C11orf65: variants seen among roughly 807,000 people sequenced by gnomAD.
The protein encoded by C11orf65 is protein MFI.
C11orf65 carries 38 observed loss-of-function variants against 35.3 expected under a neutral mutation model. That is an observed-to-expected ratio of 1.08 (90% CI 0.83 to 1.41). The LOEUF (loss-of-function observed/expected upper bound fraction) is 1.41, where lower values mean the gene tolerates loss of function less well. Among genes scored for constraint, C11orf65 ranks in the 40% most tolerant of loss-of-function variants. C11orf65 has a pLI of 0.00. For synonymous variants in C11orf65, 105 were observed against 114.4 expected (o/e 0.92, Z 0.53); for missense variants, 370 against 367.1 (o/e 1.01, Z -0.06).
intron 6 of C11orf65, among the ~76,000 whole-genome samples, chr11:108,399,823 T>C (rs569915334): frequency 6.6e-6 from 1 of 152,334 alleles, no homozygotes; most frequent in East Asian, 1.9e-4. Flanking sequence ...TGGTATCTTA[T>C]TGTCAAGCAA....
chr11:108,446,748 C>T (rs1049792489), intron 2 of C11orf65, among the ~76,000 whole-genome samples: 2 of 152,148 alleles, frequency 1.3e-5, no homozygotes, highest in Non-Finnish European at 2.9e-5. Flanking sequence ...AACCAGCTAA[C>T]ATCATAATGA....
chr11:108,446,492 A>G (rs1378246768), intron 2 of C11orf65, among the ~76,000 whole-genome samples: 1 of 151,762 alleles, frequency 6.6e-6, no homozygotes, highest in Non-Finnish European at 1.5e-5. Flanking sequence ...ATTCTTAAAG[A>G]AAAGAATTTT....
intron 2 of C11orf65, among the ~76,000 whole-genome samples, chr11:108,451,470 G>A (rs933173911): frequency 6.6e-6 from 1 of 151,984 alleles, no homozygotes; most frequent in Admixed American, 6.5e-5. Context: ...ACCTCTTCAA[G>A]GAGAACTACA....
At chr11:108,418,835 C>G (rs1031906776) in intron 3 of C11orf65, among the ~76,000 whole-genome samples, 3 of 151,900 alleles carry the variant, frequency 2.0e-5, no homozygotes, top group Admixed American at 1.3e-4. Flanking sequence ...GATTCTAAGG[C>G]ATTAGAAAGA....
intron 2 of C11orf65, among the ~76,000 whole-genome samples, chr11:108,436,030 G>C (rs1365153565): frequency 6.6e-6 from 1 of 151,934 alleles, no homozygotes; most frequent in African/African-American, 2.4e-5. Context: ...CAGCAAGAGT[G>C]GTGTGATGAG....
At chr11:108,436,076 T>C (rs1405343013) in intron 2 of C11orf65, among the ~76,000 whole-genome samples, 2 of 130,600 alleles carry the variant, frequency 1.5e-5, no homozygotes, top group Non-Finnish European at 1.7e-5. Context: ...GTTTTGAAAA[T>C]AGACAGGGGT....
At chr11:108,405,611 G>T in intron 5 of C11orf65, 52 bp from the exon 6 acceptor site, 1 of 1,573,040 alleles carries the variant, frequency 6.4e-7, no homozygotes, top group South Asian at 1.1e-5. Flanking sequence ...CGATTGTGAG[G>T]TTATCTGGCA....
chr11:108,330,447 T>C (rs2086141297), downstream of C11orf65: 3 of 1,610,374 alleles, frequency 1.9e-6, no homozygotes, highest in East Asian at 2.2e-5. Flanking sequence ...CCCAATATTC[T>C]ACCCTGTGCT....
At chr11:108,421,588 G>A (rs1300814603) in intron 3 of C11orf65, among the ~76,000 whole-genome samples, 1 of 152,090 alleles carries the variant, frequency 6.6e-6, no homozygotes, top group Non-Finnish European at 1.5e-5. Flanking sequence ...AATCTGGGAG[G>A]CGAAGGTTGC....
chr11:108,317,849 C>T (rs921275659), intron 6 of C11orf65, among the ~76,000 whole-genome samples: 1 of 151,446 alleles, frequency 6.6e-6, no homozygotes, highest in Non-Finnish European at 1.5e-5. Context: ...ACAACTTCAC[C>T]CCACCCCTAA....
At chr11:108,323,351 T>C (rs2085368125) in intron 6 of C11orf65, among the ~76,000 whole-genome samples, 1 of 152,096 alleles carries the variant, frequency 6.6e-6, no homozygotes, top group Non-Finnish European at 1.5e-5. Flanking sequence ...GAGTACAGAA[T>C]TCTTTAAGAA....
intron 2 of C11orf65, among the ~76,000 whole-genome samples, chr11:108,375,522 T>A (rs1292461192): frequency 6.6e-6 from 1 of 151,004 alleles, no homozygotes; most frequent in Non-Finnish European, 1.5e-5. Context: ...TACCAGCCAC[T>A]GCAAAATCAT....
downstream of C11orf65, among the ~76,000 whole-genome samples, chr11:108,381,571 G>C (rs2091865388): frequency 6.6e-6 from 1 of 151,964 alleles, no homozygotes; most frequent in Admixed American, 6.6e-5. Context: ...AAGTTTTTTG[G>C]CTTTTCTCCC....
At chr11:108,449,802 T>A (rs894935765) in intron 2 of C11orf65, among the ~76,000 whole-genome samples, 15 of 151,824 alleles carry the variant, frequency 9.9e-5, no homozygotes, top group East Asian at 5.8e-4. Flanking sequence ...TAATTAAACT[T>A]AAGAGCTTCT....
At chr11:108,409,095 T>C (rs972124220) in intron 3 of C11orf65, among the ~76,000 whole-genome samples, 3 of 152,192 alleles carry the variant, frequency 2.0e-5, no homozygotes, top group African/African-American at 7.2e-5. Flanking sequence ...TGTATTGTAC[T>C]CTCTTGTGCT....
intron 6 of C11orf65, among the ~76,000 whole-genome samples, chr11:108,396,883 A>AT (rs1491105864): frequency 1.3e-5 from 2 of 149,832 alleles, no homozygotes; most frequent in Non-Finnish European, 3.0e-5. Context: ...ATAAAATAAA[A>AT]TAGTTACTAT....
At chr11:108,374,454 CAGAA>C (rs1184514053) in intron 2 of C11orf65, among the ~76,000 whole-genome samples, 1 of 152,188 alleles carries the variant, frequency 6.6e-6, no homozygotes, top group East Asian at 1.9e-4. Context: ...AAACTAACAA[CAGAA>C]AGGATATCCA....
chr11:108,373,132 T>C (rs146056977), intron 2 of C11orf65, among the ~76,000 whole-genome samples: 205 of 152,176 alleles, frequency 1.3e-3, no homozygotes, highest in African/African-American at 1.7e-3. Flanking sequence ...TCCATGAACA[T>C]TGATGTAAAA....
chr11:108,347,401 T>C (rs755750695), intron 2 of C11orf65: 2 of 1,483,162 alleles, frequency 1.3e-6, no homozygotes, highest in East Asian at 2.3e-5. Context: ...TTCTTTTTAG[T>C]AAATATTTGG....
Sources: gnomAD v4.1 joint callset for allele counts (sites outside exome capture counted in the v4.1 genomes callset) on GRCh38, gnomAD v4.1.1 for gene constraint, MANE v1.5 for transcripts, NCBI Gene and HGNC (gene_info 2026-07-23, HGNC 2026-07-21) for gene names.